The following COL8A1 variants were observed in gnomAD, a reference collection of about 807,000 sequenced individuals.
The protein encoded by COL8A1 is collagen type VIII alpha 1 chain, also known as collagen alpha-1(VIII) chain.
Under a neutral mutation model 42.7 loss-of-function variants are expected in COL8A1, and 21 were observed. The observed-to-expected ratio is 0.49, with a 90% CI of 0.35 to 0.71. The LOEUF is 0.71. Ranked by LOEUF, COL8A1 falls within the 30% of genes least tolerant of loss-of-function variation. COL8A1 has a pLI of 0.01. For synonymous variants in COL8A1, 367 were observed against 369.1 expected (o/e 0.99, Z 0.06); for missense variants, 788 against 962.4 (o/e 0.82, Z 2.40).
chr3:99,639,584 G>A (rs1937462576), intron 1 of COL8A1, among the ~76,000 whole-genome samples: 1 of 152,210 alleles, frequency 6.6e-6, no homozygotes, highest in African/African-American at 2.4e-5. Context: ...GATATTCAGT[G>A]TTTAAGCTAC....
At chr3:99,767,498 T>G (rs193074476) in intron 2 of COL8A1, among the ~76,000 whole-genome samples, 1 of 152,346 alleles carries the variant, frequency 6.6e-6, no homozygotes, top group East Asian at 1.9e-4. Context: ...ATTAATATTC[T>G]TGGTAACAGC....
At chr3:99,760,012 G>A (rs918039667) in intron 2 of COL8A1, among the ~76,000 whole-genome samples, 4 of 152,100 alleles carry the variant, frequency 2.6e-5, no homozygotes, top group Admixed American at 2.6e-4. Context: ...TCAGGCAAAT[G>A]AGAGTAAGGC....
chr3:99,733,301 C>A (rs1321178841), intron 1 of COL8A1, among the ~76,000 whole-genome samples: 4 of 146,540 alleles, frequency 2.7e-5, no homozygotes, highest in Non-Finnish European at 1.5e-5. Context: ...CTCCCCCCTC[C>A]CCACACCCCA....
intron 2 of COL8A1, among the ~76,000 whole-genome samples, chr3:99,769,861 G>T (rs1941543749): frequency 1.3e-5 from 2 of 152,154 alleles, no homozygotes; most frequent in South Asian, 4.1e-4. Flanking sequence ...GGAGGTTGCA[G>T]TGAGCTGAAA....
At chr3:99,730,348 A>C (rs1303171079) in intron 1 of COL8A1, among the ~76,000 whole-genome samples, 1 of 152,140 alleles carries the variant, frequency 6.6e-6, no homozygotes, top group Non-Finnish European at 1.5e-5. Context: ...CTATGTTGAA[A>C]TGCATATCAA....
At chr3:99,659,638 A>T (rs939642425) in intron 1 of COL8A1, among the ~76,000 whole-genome samples, 1 of 152,178 alleles carries the variant, frequency 6.6e-6, no homozygotes, top group African/African-American at 2.4e-5. Context: ...GCAAAAAAAG[A>T]GGTTCACCTG....
intron 1 of COL8A1, among the ~76,000 whole-genome samples, chr3:99,718,691 G>A (rs1940069497): frequency 6.6e-6 from 1 of 151,878 alleles, no homozygotes; most frequent in Non-Finnish European, 1.5e-5. Context: ...TTTTTCTGGG[G>A]TAAGAAAAGC....
At chr3:99,671,243 G>C (rs535198273) in intron 1 of COL8A1, among the ~76,000 whole-genome samples, 1 of 152,142 alleles carries the variant, frequency 6.6e-6, no homozygotes, top group South Asian at 2.1e-4. Flanking sequence ...GGACTGTAGA[G>C]AAGATAATTC....
chr3:99,778,212 A>G (rs773898590), intron 2 of COL8A1, among the ~76,000 whole-genome samples: 5 of 152,200 alleles, frequency 3.3e-5, no homozygotes, highest in Non-Finnish European at 5.9e-5. Flanking sequence ...GACTCTGTCC[A>G]GTCCCTGGCA....
At chr3:99,730,767 C>T (rs1401796606) in intron 1 of COL8A1, among the ~76,000 whole-genome samples, 4 of 152,110 alleles carry the variant, frequency 2.6e-5, no homozygotes, top group Non-Finnish European at 5.9e-5. Context: ...TTTTAAAATA[C>T]TGATTTGACA....
intron 1 of COL8A1, among the ~76,000 whole-genome samples, chr3:99,663,119 T>C (rs1237713093): frequency 2.0e-5 from 3 of 152,204 alleles, no homozygotes; most frequent in Admixed American, 1.3e-4. Flanking sequence ...TCAACACCTA[T>C]TATAGCCCAC....
At chr3:99,659,815 C>T (rs1181718764) in intron 1 of COL8A1, among the ~76,000 whole-genome samples, 2 of 152,096 alleles carry the variant, frequency 1.3e-5, no homozygotes, top group South Asian at 2.1e-4. Context: ...TTATAGCTTA[C>T]GGTTATCCTT....
rs769964915 is a variant in COL8A1, at chr3:99,794,799, C to A, written c.898C>A (p.Pro300Thr). ...TCCAGGAGAACCTGGGCCACAAGGC[C>A]CTATTGGGGTACCGGGGGTTCAAGG... ...GAPGEPGPQG[P>T]IGVPGVQGPP... Residue 300 changes from proline (P) to threonine (T), a missense_variant, in exon 4 of 4, where the codon CCT becomes ACT. By Grantham distance (38) the Pro-to-Thr change is conservative. Coordinates refer to ENST00000652472, the MANE Select transcript of COL8A1 (RefSeq NM_020351.4). The surrounding 1 kb of genome is among the most constrained non-coding windows in gnomAD (Gnocchi z 4.3). The A allele has an allele frequency of 1.9e-6, 3 of 1,609,884 alleles. No homozygotes were observed. Among genetic ancestry groups the A allele is most frequent in the Non-Finnish European group, 2.5e-6 (3 of 1,178,220 alleles).
At chr3:99,647,932 T>A (rs1937701089) in intron 1 of COL8A1, among the ~76,000 whole-genome samples, 1 of 152,200 alleles carries the variant, frequency 6.6e-6, no homozygotes, top group South Asian at 2.1e-4. Flanking sequence ...CTTCACAAAG[T>A]TAGTGCCTGG....
At chr3:99,772,989 C>T (rs761651980) in intron 2 of COL8A1, among the ~76,000 whole-genome samples, 11 of 152,194 alleles carry the variant, frequency 7.2e-5, no homozygotes, top group Non-Finnish European at 1.3e-4. Flanking sequence ...TACCTATTAG[C>T]TGTGTGATGA....
chr3:99,665,283 A>T (rs1047312516), intron 1 of COL8A1, among the ~76,000 whole-genome samples: 1 of 152,248 alleles, frequency 6.6e-6, no homozygotes, highest in South Asian at 2.1e-4. Context: ...CCTCTCACAG[A>T]AAAGCTTCTC....
At chr3:99,656,082 C>A (rs1417908401) in intron 1 of COL8A1, among the ~76,000 whole-genome samples, 2 of 152,174 alleles carry the variant, frequency 1.3e-5, no homozygotes, top group East Asian at 3.9e-4. Context: ...TTGGTAGCAT[C>A]TTTTAAAAAT....
intron 1 of COL8A1, among the ~76,000 whole-genome samples, chr3:99,692,473 A>T (rs573007180): frequency 1.3e-5 from 2 of 152,040 alleles, no homozygotes; most frequent in Admixed American, 1.3e-4. Flanking sequence ...TTTTGTTCCC[A>T]CTCCTTTTTT....
chr3:99,646,161 A>G (rs1225007436), intron 1 of COL8A1, among the ~76,000 whole-genome samples: 2 of 152,140 alleles, frequency 1.3e-5, no homozygotes, highest in Admixed American at 1.3e-4. Context: ...GCTTGTTAAG[A>G]CTTGAGACAC....
Sources: allele counts gnomAD v4.1 joint callset (sites outside exome capture counted in the v4.1 genomes callset), GRCh38; gene constraint gnomAD v4.1.1; non-coding constraint Gnocchi (gnomAD v3.1); transcripts MANE v1.5; gene names NCBI Gene and HGNC (gene_info 2026-07-23, HGNC 2026-07-21).